Variants in KDM4C observed in about 807,000 individuals in gnomAD.
KDM4C encodes lysine-specific demethylase 4C.
KDM4C carries 81 observed loss-of-function variants against 129.3 expected under a neutral mutation model. The ratio of observed to expected loss-of-function variants is 0.63; its 90% CI spans 0.52 to 0.75. KDM4C has a LOEUF of 0.75. Among genes scored for constraint, KDM4C ranks in the 30% least tolerant of loss-of-function variants. KDM4C has a pLI of 0.00. For missense variants in KDM4C, 1,457 were observed against 1,304.0 expected (o/e 1.12, Z -1.81); for synonymous variants, 573 against 456.1 (o/e 1.26, Z -3.26).
intron 16 of KDM4C, among the ~76,000 whole-genome samples, chr9:7,047,561 C>T: frequency 6.6e-6 from 1 of 151,010 alleles, no homozygotes; most frequent in African/African-American, 2.4e-5. Flanking sequence ...AAAATGGGGC[C>T]AAAGCATATT....
At chr9:7,070,055 G>T (rs2132801061) in intron 17 of KDM4C, among the ~76,000 whole-genome samples, 1 of 152,186 alleles carries the variant, frequency 6.6e-6, no homozygotes, top group South Asian at 2.1e-4. Context: ...GCAGAACAGG[G>T]GGAAAAGGGA....
At chr9:6,743,586 C>T (rs1817776103) in intron 1 of KDM4C, among the ~76,000 whole-genome samples, 1 of 151,674 alleles carries the variant, frequency 6.6e-6, no homozygotes, top group African/African-American at 2.4e-5. Context: ...TGGCTCACTG[C>T]AACCTCTGCC....
At chr9:7,022,643 T>C (rs1039379575) in intron 15 of KDM4C, among the ~76,000 whole-genome samples, 1 of 151,404 alleles carries the variant, frequency 6.6e-6, no homozygotes, top group African/African-American at 2.4e-5. Context: ...ATTTCTTTTT[T>C]TTTTTTTTGT....
At chr9:6,892,118 T>A (rs908498219) in intron 7 of KDM4C, among the ~76,000 whole-genome samples, 2 of 152,186 alleles carry the variant, frequency 1.3e-5, no homozygotes, top group Non-Finnish European at 2.9e-5. Context: ...GGAGAAACAT[T>A]GCTTCAGTGG....
At chr9:6,863,871 T>A (rs916660708) in intron 5 of KDM4C, among the ~76,000 whole-genome samples, 5 of 150,710 alleles carry the variant, frequency 3.3e-5, no homozygotes, top group African/African-American at 1.2e-4. Flanking sequence ...TGGGAACTAA[T>A]GGAGTGAGAA....
At chr9:6,761,445 A>C (rs1372822341) in intron 1 of KDM4C, among the ~76,000 whole-genome samples, 16 of 150,964 alleles carry the variant, frequency 1.1e-4, no homozygotes, top group Admixed American at 1.1e-3. Context: ...CTGGCAGTCC[A>C]CCAGCCCCAG....
chr9:6,957,893 A>G (rs1829354742), intron 8 of KDM4C, among the ~76,000 whole-genome samples: 1 of 152,176 alleles, frequency 6.6e-6, no homozygotes, highest in African/African-American at 2.4e-5. Flanking sequence ...TCGAGTACAT[A>G]TATTTTTAAT....
chr9:6,897,209 T>C (rs900834694), intron 8 of KDM4C, among the ~76,000 whole-genome samples: 10 of 152,310 alleles, frequency 6.6e-5, no homozygotes, highest in Non-Finnish European at 1.3e-4. Flanking sequence ...CAGACTTTTT[T>C]TGTGTGTGTA....
At chr9:7,122,265 A>ACACACACACG (rs375655422) in intron 18 of KDM4C, among the ~76,000 whole-genome samples, 3 of 144,822 alleles carry the variant, frequency 2.1e-5, no homozygotes, top group South Asian at 2.2e-4. Context: ...ACACACACAC[A>ACACACACACG]CTCTCTCTCT....
intron 17 of KDM4C, among the ~76,000 whole-genome samples, chr9:7,070,743 C>T (rs142454739): frequency 9.0e-4 from 137 of 152,220 alleles, no homozygotes; most frequent in African/African-American, 3.2e-3. Context: ...AAACCTACTG[C>T]GAACATTAGA....
intron 17 of KDM4C, among the ~76,000 whole-genome samples, chr9:7,094,553 C>T (rs982124821): frequency 6.6e-6 from 1 of 152,012 alleles, no homozygotes; most frequent in African/African-American, 2.4e-5. Flanking sequence ...GAGATACTTA[C>T]GTAGGGGAAG....
chr9:6,802,236 G>A (rs546009683), intron 2 of KDM4C, among the ~76,000 whole-genome samples: 61 of 152,286 alleles, frequency 4.0e-4, no homozygotes, highest in African/African-American at 1.3e-3. Context: ...AAGACTAAGA[G>A]TTAAATGATG....
chr9:6,841,139 C>A lies in KDM4C; in HGVS notation c.436-8368C>A, dbSNP rs548961547. Among the ~76,000 whole-genome samples the A allele has an allele frequency of 5.9e-5, 9 of 152,194 alleles. No homozygotes were observed. The East Asian group carries it at 1.5e-3, about 26-fold the overall frequency. On this transcript the variant is annotated intron_variant, in intron 4 of 21. Coordinates refer to ENST00000381309, the MANE Select transcript of KDM4C (RefSeq NM_015061.6). ...TTCTTACAGAATCTAGGTGGCAGATCTTTTTTTAATAATTGGATTTTCTAA... is the reference window on the plus strand; with the variant it reads ...TTCTTACAGAATCTAGGTGGCAGATATTTTTTTAATAATTGGATTTTCTAA...
intron 15 of KDM4C, among the ~76,000 whole-genome samples, chr9:7,035,321 C>T (rs951432750): frequency 2.2e-5 from 2 of 90,938 alleles, no homozygotes; most frequent in Admixed American, 2.4e-4. Context: ...GCCATTTGCC[C>T]ATTCTTAAAT....
chr9:6,869,341 T>C (rs1842517449), intron 5 of KDM4C, among the ~76,000 whole-genome samples: 3 of 152,336 alleles, frequency 2.0e-5, no homozygotes, highest in East Asian at 3.9e-4. Flanking sequence ...TAGGGCCTCA[T>C]TTCAGGCACC....
intron 11 of KDM4C, among the ~76,000 whole-genome samples, chr9:6,989,815 C>T (rs780421278): frequency 3.9e-5 from 6 of 152,126 alleles, no homozygotes; most frequent in Non-Finnish European, 8.8e-5. Flanking sequence ...TGCCCTGTCA[C>T]CCAGGCTGTT....
intron 18 of KDM4C, among the ~76,000 whole-genome samples, chr9:7,116,033 G>C (rs937820038): frequency 1.3e-5 from 2 of 152,162 alleles, no homozygotes; most frequent in African/African-American, 2.4e-5. Flanking sequence ...AAATTATAAT[G>C]TCTGAAGAAA....
At chr9:7,020,746 A>C (rs1824662906) in intron 15 of KDM4C, among the ~76,000 whole-genome samples, 1 of 152,226 alleles carries the variant, frequency 6.6e-6, no homozygotes, top group Admixed American at 6.5e-5. Context: ...GACATGCAGT[A>C]CATAATAACC....
chr9:7,062,799 G>A (rs965510682), intron 17 of KDM4C, among the ~76,000 whole-genome samples: 3 of 152,022 alleles, frequency 2.0e-5, no homozygotes, highest in Non-Finnish European at 4.4e-5. Flanking sequence ...TTTTAACCCA[G>A]AAATTCCATG....
Sources: gnomAD v4.1 joint callset for allele counts (sites outside exome capture counted in the v4.1 genomes callset) on GRCh38, gnomAD v4.1.1 for gene constraint, MANE v1.5 for transcripts, NCBI Gene and HGNC (gene_info 2026-07-23, HGNC 2026-07-21) for gene names.